RASA3: variants seen among roughly 807,000 people sequenced by gnomAD.
The protein encoded by RASA3 is ras GTPase-activating protein 3.
Under a neutral mutation model 110.0 loss-of-function variants are expected in RASA3, and 73 were observed. The ratio of observed to expected loss-of-function variants is 0.66; its 90% confidence interval spans 0.55 to 0.81. The LOEUF is 0.81. Ranked by LOEUF, RASA3 falls within the 30% of genes least tolerant of loss-of-function variation. The pLI is 0.00. For synonymous variants in RASA3, 500 were observed against 451.4 expected, an observed-to-expected ratio of 1.11 and a Z score of -1.37; for missense variants, 976 against 1,113.2, an observed-to-expected ratio of 0.88 and a Z score of 1.75.
Position 114,048,804 on chromosome 13 carries a change from C to G in RASA3, c.277+3248G>C, listed in dbSNP as rs1035274303. 3.9e-5 allele frequency among the ~76,000 whole-genome samples: 6 copies of G among 152,096 alleles called. No individual in the cohort carries two copies. Reference sequence around the variant, plus strand: ...GGCTACGGTCACGCCGCCCGGGACCCGCCGACACTGGACACTTCTCCTGCT... The same window carrying G: ...GGCTACGGTCACGCCGCCCGGGACCGGCCGACACTGGACACTTCTCCTGCT... On this transcript the variant is annotated intron_variant, in intron 3 of 23. Transcript: ENST00000334062. The surrounding 1 kb of genome is among the most constrained non-coding windows in gnomAD (Gnocchi z 4.3).
chr13:114,028,829 G>A lies in RASA3; in HGVS notation c.450-902C>T, dbSNP rs867942912. On this transcript the variant is annotated intron_variant, in intron 5 of 23. Coordinates refer to ENST00000334062, the MANE Select transcript of RASA3 (RefSeq NM_007368.4). ...TCCTGGGGCCAGGACCTCTAAAACGGCATCATCCTGGGGGCCAGGACCTCT... is the reference window on the plus strand; with the variant it reads ...TCCTGGGGCCAGGACCTCTAAAACGACATCATCCTGGGGGCCAGGACCTCT... Among the ~76,000 whole-genome samples, 29 of 35,976 alleles carry A rather than the reference G, an allele frequency of 8.1e-4. 1 individual carries two copies. The highest frequency in any genetic ancestry group is 1.8e-3 in the African/African-American group (7 of 3,974). 23.6% of individuals were successfully genotyped at this position (35,976 alleles called of 152,430 possible). A position where few individuals can be genotyped will look rare whatever the true frequency, so the allele number is the denominator to read the frequency against.
At chr13:114,132,289 G>A (rs1313175453) in intron 1 of RASA3, 146 bp downstream of exon 1, 4 of 864,888 alleles carry the variant, frequency 4.6e-6, no homozygotes. Context: ...CCGCGGAGCC[G>A]GACCAGCCGT....
chr13:114,101,620 A>G (rs956475765), intron 1 of RASA3, among the ~76,000 whole-genome samples: 48 of 152,362 alleles, frequency 3.2e-4, no homozygotes, highest in African/African-American at 1.1e-3. Context: ...CTCGTTTCCA[A>G]GTCAGCCCTG....
chr13:114,042,391 G>T (rs1401582270), intron 3 of RASA3, among the ~76,000 whole-genome samples: 2 of 152,272 alleles, frequency 1.3e-5, no homozygotes, highest in Admixed American at 1.3e-4. Flanking sequence ...CACATGTGAA[G>T]TCTGAGCCCA....
intron 1 of RASA3, among the ~76,000 whole-genome samples, chr13:114,119,620 G>GCC (rs1392653721): frequency 2.9e-5 from 2 of 69,472 alleles, no homozygotes; most frequent in Admixed American, 1.7e-4. Flanking sequence ...GTCGATCAGG[G>GCC]CCCCTCCCTC....
intron 18 of RASA3, 39 bp from the exon 19 acceptor site, chr13:114,000,971 G>T: frequency 7.1e-7 from 1 of 1,402,014 alleles, no homozygotes; most frequent in Non-Finnish European, 1.0e-6. Flanking sequence ...CCGGGCCTCA[G>T]CTGCCTCCCT....
chr13:114,110,277 C>T (rs1279212511), intron 1 of RASA3, among the ~76,000 whole-genome samples: 1 of 152,180 alleles, frequency 6.6e-6, no homozygotes, highest in Non-Finnish European at 1.5e-5. Context: ...GCTGCCAGGA[C>T]CAGGGAGAGA....
intron 5 of RASA3, 89 bp from the exon 6 acceptor site, chr13:114,028,016 G>C (rs909461620): frequency 6.4e-6 from 7 of 1,093,138 alleles, no homozygotes; most frequent in Non-Finnish European, 9.4e-6. Context: ...GGAGGCCTGA[G>C]TTCAAGCTGT....
intron 22 of RASA3, among the ~76,000 whole-genome samples, chr13:113,991,836 T>C (rs2053121355): frequency 7.2e-6 from 1 of 139,856 alleles, no homozygotes; most frequent in Non-Finnish European, 1.6e-5. Context: ...ACACGTGCCC[T>C]CATGTTTCCA....
chr13:114,033,663 A>G (rs2054225436), intron 4 of RASA3, among the ~76,000 whole-genome samples: 1 of 143,596 alleles, frequency 7.0e-6, no homozygotes, highest in Non-Finnish European at 1.5e-5. Flanking sequence ...CGGCACCCCC[A>G]CACTGACACC....
At chr13:114,106,320 G>C (rs545949452) in intron 1 of RASA3, among the ~76,000 whole-genome samples, 2 of 152,268 alleles carry the variant, frequency 1.3e-5, no homozygotes, top group South Asian at 4.1e-4. Context: ...TTTCAGTGGG[G>C]ACAACTTCTC....
chr13:114,036,368 G>A (rs1169468267), intron 4 of RASA3, among the ~76,000 whole-genome samples: 1 of 152,222 alleles, frequency 6.6e-6, no homozygotes, highest in Non-Finnish European at 1.5e-5. Flanking sequence ...TCCCCCATGG[G>A]CTGCTTCTGT....
chr13:114,068,286 G>C lies in RASA3; in HGVS notation c.173+5434C>G, dbSNP rs368072191. 7.2e-5 allele frequency among the ~76,000 whole-genome samples: 11 copies of C among 152,374 alleles called. No homozygotes were observed. In the South Asian group the frequency reaches 2.3e-3, roughly 32 times the overall value. ...GCCTCAACCCCAGTGGCAGGGGGTA[G>C]GGTCAGACCCAGAACCCTGAGGCAG... is the stretch of plus-strand genomic sequence containing the variant. On this transcript the variant is annotated intron_variant, in intron 2 of 23. Transcript: ENST00000334062.
chr13:114,049,534 C>A (rs187781235), intron 3 of RASA3, among the ~76,000 whole-genome samples: 1 of 152,214 alleles, frequency 6.6e-6, no homozygotes, highest in Non-Finnish European at 1.5e-5. Flanking sequence ...TTTTAAATTT[C>A]TTTTTCCTTA....
chr13:114,004,538 C>G (rs997833307), intron 18 of RASA3, among the ~76,000 whole-genome samples: 3 of 151,982 alleles, frequency 2.0e-5, no homozygotes, highest in South Asian at 4.1e-4. Flanking sequence ...CCAGGCAGAA[C>G]GAAGCCACCT....
chr13:113,998,997 T>A (rs61968019), intron 20 of RASA3, among the ~76,000 whole-genome samples: 25,562 of 152,044 alleles, frequency 0.17, 2,384 homozygotes, highest in Middle Eastern at 0.21. Flanking sequence ...TGTTGATACA[T>A]TCAGAAAAGC....
Position 113,984,344 on chromosome 13 carries a change from T to C in RASA3, c.2246-2486A>G, listed in dbSNP as rs201953469. Among the ~76,000 whole-genome samples, 137 of 66,984 alleles carry C rather than the reference T, an allele frequency of 2.0e-3. No homozygotes were observed. The Middle Eastern group carries it at 0.033, about 16-fold the overall frequency. 43.9% of individuals were successfully genotyped at this position (66,984 alleles called of 152,430 possible). Reference sequence around the variant, plus strand: ...CCCATCACTCACCCATCCGTCCACCTACCCATCACTCACCCATCCGTCCAC... The same window carrying C: ...CCCATCACTCACCCATCCGTCCACCCACCCATCACTCACCCATCCGTCCAC... On this transcript the variant is annotated intron_variant, in intron 22 of 23. Transcript: ENST00000334062.
chr13:113,996,756 G>A lies in RASA3; in HGVS notation c.1933-17C>T. On this transcript the variant is annotated splice_polypyrimidine_tract_variant and intron_variant, in intron 20 of 23. Coordinates refer to ENST00000334062, the MANE Select transcript of RASA3 (RefSeq NM_007368.4). ...CTGGAACATCTGAGGACACAGGTGG[G>A]CTCAGGACAGCGCACATGAGGTCTC... is the stretch of plus-strand genomic sequence containing the variant. 1 of 1,605,980 alleles carries A rather than the reference G, an allele frequency of 6.2e-7. No individual in the cohort carries two copies. The highest frequency in any genetic ancestry group is 8.5e-7 in the Non-Finnish European group (1 of 1,173,576).
chr13:114,105,978 T>G (rs1321198743), intron 1 of RASA3, among the ~76,000 whole-genome samples: 5 of 152,158 alleles, frequency 3.3e-5, no homozygotes, highest in Non-Finnish European at 7.3e-5. Flanking sequence ...TGAGCAGTCC[T>G]GACCCTAAAG....
Sources: gnomAD v4.1 joint callset for allele counts (sites outside exome capture counted in the v4.1 genomes callset) on GRCh38, gnomAD v4.1.1 for gene constraint, Gnocchi (gnomAD v3.1) non-coding constraint, MANE v1.5 for transcripts, NCBI Gene and HGNC (gene_info 2026-07-23, HGNC 2026-07-21) for gene names.